Variants in GSR observed in about 807,000 individuals in gnomAD.
The protein encoded by GSR is glutathione-disulfide reductase.
A neutral mutation model predicts 56.5 loss-of-function variants in GSR; 48 were observed. That is an observed-to-expected ratio of 0.85 (90% confidence interval 0.67 to 1.08). GSR has a LOEUF of 1.08. Ranked by LOEUF, GSR falls within the 50% of genes least tolerant of loss-of-function variation. The probability of loss-of-function intolerance (pLI) is 0.00; values close to 1 mark genes in which losing one functional copy is unlikely to be tolerated. For missense variants in GSR, 694 were observed against 703.3 expected (o/e 0.99, Z 0.15); for synonymous variants, 264 against 270.8 (o/e 0.97, Z 0.25).
intron 1 of GSR, among the ~76,000 whole-genome samples, chr8:30,718,894 AC>A (rs1271783242): frequency 4.7e-5 from 7 of 148,618 alleles, no homozygotes; most frequent in Non-Finnish European, 6.0e-5. Context: ...ATAGGCACGC[AC>A]CACTATGCCC....
At chr8:30,685,246 C>T (rs560135442) in intron 9 of GSR, among the ~76,000 whole-genome samples, 2 of 152,188 alleles carry the variant, frequency 1.3e-5, no homozygotes, top group East Asian at 3.9e-4. Flanking sequence ...AGGCGTGAAC[C>T]ACCACGCCTA....
At chr8:30,693,998 T>G (rs1404709724) in intron 7 of GSR, among the ~76,000 whole-genome samples, 1 of 152,216 alleles carries the variant, frequency 6.6e-6, no homozygotes, top group Admixed American at 6.6e-5. Context: ...TGCAGTTTAT[T>G]TACTTATCTA....
intron 1 of GSR, among the ~76,000 whole-genome samples, chr8:30,726,596 CA>C (rs1804734125): frequency 1.3e-5 from 2 of 151,910 alleles, no homozygotes; most frequent in Non-Finnish European, 2.9e-5. Context: ...CCCATCTCTA[CA>C]AAAAATAATA....
intron 2 of GSR, among the ~76,000 whole-genome samples, chr8:30,710,767 A>AT (rs1804113028): frequency 1.3e-5 from 2 of 148,398 alleles, no homozygotes; most frequent in Non-Finnish European, 3.0e-5. Flanking sequence ...AAAGAAAAAA[A>AT]AATATATAAA....
chr8:30,724,125 A>G (rs903031186), intron 1 of GSR, among the ~76,000 whole-genome samples: 1 of 152,150 alleles, frequency 6.6e-6, no homozygotes, highest in Non-Finnish European at 1.5e-5. Flanking sequence ...TAATCCTAAC[A>G]CTTTCGGAGA....
At chr8:30,722,212 A>C (rs991884265) in intron 1 of GSR, among the ~76,000 whole-genome samples, 1 of 152,198 alleles carries the variant, frequency 6.6e-6, no homozygotes, top group Non-Finnish European at 1.5e-5. Context: ...TTAAAAGCCA[A>C]ATTTCAACAA....
chr8:30,703,178 C>T lies in GSR; in HGVS notation c.555G>A (p.Glu185=). Residue 185 remains glutamate, a synonymous_variant, in exon 5 of 13, where the codon GAG becomes GAA. Coordinates refer to ENST00000221130, the MANE Select transcript of GSR (RefSeq NM_000637.5). ...AFTSDPKPTI[E]VSGKKYTAPH... ...GGGCGGTGTACTTTTTCCCACTGAC[C>T]TCTATTGTGGGCTTGGGATCACTCG... 6.2e-7 allele frequency: 1 copy of T among 1,613,812 alleles called. No homozygotes were observed. Among genetic ancestry groups the T allele is most frequent in the Non-Finnish European group, 8.5e-7 (1 of 1,179,748 alleles).
At chr8:30,690,072 A>G (rs1481080199) in intron 8 of GSR, among the ~76,000 whole-genome samples, 7 of 143,748 alleles carry the variant, frequency 4.9e-5, no homozygotes, top group African/African-American at 1.8e-4. Flanking sequence ...AATAAAATAT[A>G]CATATATAAA....
intron 4 of GSR, chr8:30,704,782 T>C (rs1264342461): frequency 1.3e-5 from 2 of 152,184 alleles, no homozygotes; most frequent in African/African-American, 4.8e-5. Context: ...CCAGGCTTAA[T>C]CAAGCTGAAT....
At chr8:30,712,561 C>T (rs544415965) in intron 1 of GSR, among the ~76,000 whole-genome samples, 1 of 152,192 alleles carries the variant, frequency 6.6e-6, no homozygotes, top group African/African-American at 2.4e-5. Flanking sequence ...GTGGTCCCAG[C>T]TACTCAGGAG....
chr8:30,689,923 GTTT>G (rs201807456), intron 8 of GSR, among the ~76,000 whole-genome samples: 2 of 137,310 alleles, frequency 1.5e-5, no homozygotes, highest in Non-Finnish European at 3.1e-5. Flanking sequence ...TGTATTTAAT[GTTT>G]TTATTAAATA....
At chr8:30,693,296 T>C (rs1803447656) in intron 7 of GSR, among the ~76,000 whole-genome samples, 1 of 152,194 alleles carries the variant, frequency 6.6e-6, no homozygotes, top group South Asian at 2.1e-4. Context: ...CATTGTCCAC[T>C]GTCTTCTCCT....
rs1804040757 is a variant in GSR at position 30,709,725 on chromosome 8, C to T, written c.422+89G>A. ...GTATTGTGAATATTTACCGCAATTC[C>T]TCCTCCATCCCTAAAAAAGTTTATG... On this transcript the variant is annotated intron_variant, in intron 3 of 12. Coordinates refer to ENST00000221130, the MANE Select transcript of GSR (RefSeq NM_000637.5). 3 of 765,906 alleles carry T rather than the reference C, an allele frequency of 3.9e-6. No homozygotes were observed. In the African/African-American group the frequency reaches 5.1e-5, roughly 13 times the overall value. 47.4% of individuals were successfully genotyped at this position (765,906 alleles called of 1,614,324 possible). A position where few individuals can be genotyped will look rare whatever the true frequency, so the allele number is the denominator to read the frequency against.
At chr8:30,685,796 T>C (rs960873833) in intron 9 of GSR, among the ~76,000 whole-genome samples, 1 of 151,790 alleles carries the variant, frequency 6.6e-6, no homozygotes, top group Non-Finnish European at 1.5e-5. Context: ...GCCAACATGG[T>C]GAAACCCTGT....
chr8:30,687,805 A>T (rs752512628), intron 9 of GSR, among the ~76,000 whole-genome samples: 44 of 152,252 alleles, frequency 2.9e-4, no homozygotes, highest in Non-Finnish European at 5.0e-4. Context: ...CATTGTGTTC[A>T]TAATGTAAGC....
At chr8:30,724,207 A>G (rs1804649558) in intron 1 of GSR, among the ~76,000 whole-genome samples, 3 of 152,286 alleles carry the variant, frequency 2.0e-5, no homozygotes, top group Admixed American at 2.0e-4. Context: ...CCCTATCTCT[A>G]TAAACTGAAA....
rs1294964002 is a variant in GSR, at chr8:30,679,554, G to A, written c.1535C>T (p.Pro512Leu). The stretch of plus-strand genomic sequence containing the variant: ...TGTGACCAGCTCTTCTGAAGAGGTA[G>A]GGTGAATGGCGACTGTGTTGTCAAA... ...ADFDNTVAIH[P>L]TSSEELVTLR Residue 512 changes from proline to leucine, a missense_variant, in exon 13 of 13, where the codon CCT (proline) becomes CTT (leucine). Coordinates refer to ENST00000221130, the MANE Select transcript of GSR (RefSeq NM_000637.5). 5 of 1,614,014 alleles carry A rather than the reference G, an allele frequency of 3.1e-6. No individual in the cohort carries two copies. Among genetic ancestry groups the A allele is most frequent in the Non-Finnish European group, 4.2e-6 (5 of 1,180,032 alleles).
chr8:30,696,241 T>C, intron 7 of GSR, 139 bp downstream of exon 7: 2 of 728,930 alleles, frequency 2.7e-6, no homozygotes, highest in Non-Finnish European at 5.1e-6. Flanking sequence ...TCAGGTAACT[T>C]GGATACAGCA....
intron 6 of GSR, among the ~76,000 whole-genome samples, chr8:30,697,757 T>C (rs1196813302): frequency 6.6e-6 from 1 of 152,256 alleles, no homozygotes; most frequent in Non-Finnish European, 1.5e-5. Flanking sequence ...TCTCCCTATG[T>C]TGCCCAGGCT....
Sources: allele counts gnomAD v4.1 joint callset (sites outside exome capture counted in the v4.1 genomes callset), GRCh38; gene constraint gnomAD v4.1.1; transcripts MANE v1.5; gene names NCBI Gene and HGNC (gene_info 2026-07-23, HGNC 2026-07-21).